Variants in XPO4 observed in about 807,000 individuals in gnomAD.
XPO4 encodes exportin-4.
A neutral mutation model predicts 143.0 loss-of-function variants in XPO4; 39 were observed. That is an observed-to-expected ratio of 0.27 (90% CI 0.21 to 0.36). The LOEUF (loss-of-function observed/expected upper bound fraction) is 0.36, where lower values mean the gene tolerates loss of function less well. Ranked by LOEUF, XPO4 falls within the 10% of genes least tolerant of loss-of-function variation. The pLI is 1.00. For synonymous variants in XPO4, 439 were observed against 474.0 expected (o/e 0.93, Z 0.96); for missense variants, 907 against 1,348.0 (o/e 0.67, Z 5.12).
chr13:20,878,301 G>C (rs531114927), intron 1 of XPO4, among the ~76,000 whole-genome samples: 2 of 152,182 alleles, frequency 1.3e-5, no homozygotes, highest in African/African-American at 4.8e-5. Context: ...AACCAGCAAG[G>C]TATGCACAAG....
At chr13:20,895,458 C>A (rs1002213667) in intron 1 of XPO4, among the ~76,000 whole-genome samples, 1 of 151,816 alleles carries the variant, frequency 6.6e-6, no homozygotes, top group South Asian at 2.1e-4. Flanking sequence ...AAGGTGAAAC[C>A]CTGTCCCTAC....
intron 1 of XPO4, among the ~76,000 whole-genome samples, chr13:20,900,348 C>T (rs1318703207): frequency 2.0e-5 from 3 of 151,792 alleles, no homozygotes; most frequent in Non-Finnish European, 4.4e-5. Flanking sequence ...CGTGCCACTG[C>T]ACTCCAGCCT....
intron 6 of XPO4, among the ~76,000 whole-genome samples, chr13:20,837,167 T>A (rs1241768104): frequency 6.6e-6 from 1 of 152,210 alleles, no homozygotes; most frequent in African/African-American, 2.4e-5. Context: ...TTTGTGTGGA[T>A]GACTATTGAT....
At chr13:20,849,266 A>G (rs1316806794) in intron 4 of XPO4, 22 of 985,462 alleles carry the variant, frequency 2.2e-5, no homozygotes, top group Non-Finnish European at 2.7e-5. Context: ...AATGAGACTT[A>G]TGATAAGAGA....
intron 1 of XPO4, among the ~76,000 whole-genome samples, chr13:20,884,603 G>A (rs1312658284): frequency 1.3e-5 from 2 of 152,048 alleles, no homozygotes; most frequent in Non-Finnish European, 2.9e-5. Context: ...ATAGAGATGG[G>A]ATTTTTGCCA....
At chr13:20,902,103 TG>T (rs1426863820) in intron 1 of XPO4, 1 of 985,290 alleles carries the variant, frequency 1.0e-6, no homozygotes. Context: ...CCAATGACCT[TG>T]GTCTCAACGA....
intron 1 of XPO4, among the ~76,000 whole-genome samples, chr13:20,900,261 G>C (rs1287113148): frequency 6.6e-6 from 1 of 152,080 alleles, no homozygotes; most frequent in East Asian, 1.9e-4. Context: ...GTACATACCT[G>C]TAGTCCCAGC....
At chr13:20,828,275 C>T (rs912536856) in intron 6 of XPO4, among the ~76,000 whole-genome samples, 1 of 152,044 alleles carries the variant, frequency 6.6e-6, no homozygotes, top group Non-Finnish European at 1.5e-5. Context: ...GTGGTTATGC[C>T]CCTTCCATTG....
chr13:20,852,381 C>T (rs1416747475), intron 4 of XPO4: 1 of 985,294 alleles, frequency 1.0e-6, no homozygotes, highest in Non-Finnish European at 1.2e-6. Context: ...CAAACCTTTT[C>T]TCTGCTATTT....
At chr13:20,810,082 T>C in intron 9 of XPO4, 115 bp from the exon 10 acceptor site, 1 of 827,390 alleles carries the variant, frequency 1.2e-6, no homozygotes, top group Non-Finnish European at 1.7e-6. Context: ...AGCTTCCCAA[T>C]TATTGATAAG....
intron 6 of XPO4, among the ~76,000 whole-genome samples, chr13:20,836,519 C>T (rs2059918665): frequency 6.6e-6 from 1 of 152,148 alleles, no homozygotes; most frequent in African/African-American, 2.4e-5. Context: ...TCTTGGACCA[C>T]CTCTCCTATT....
chr13:20,896,734 CAGTT>C (rs1248470903), intron 1 of XPO4, among the ~76,000 whole-genome samples: 7 of 152,226 alleles, frequency 4.6e-5, no homozygotes, highest in East Asian at 3.8e-4. Context: ...ATTACTGTAT[CAGTT>C]AGACCCTCCA....
At chr13:20,823,252 C>T (rs545999181) in intron 7 of XPO4, among the ~76,000 whole-genome samples, 1 of 152,252 alleles carries the variant, frequency 6.6e-6, no homozygotes, top group Admixed American at 6.5e-5. Context: ...TAGTTTTAGG[C>T]TATATTCACT....
At chr13:20,827,230 T>C in intron 6 of XPO4, 51 bp from the exon 7 acceptor site, 13 of 1,314,552 alleles carry the variant, frequency 9.9e-6, no homozygotes, top group Non-Finnish European at 1.3e-5. Flanking sequence ...TTGTCTAAAG[T>C]ATAAGTATAT....
intron 4 of XPO4, chr13:20,851,162 GA>G: frequency 2.0e-6 from 2 of 985,382 alleles, no homozygotes; most frequent in Non-Finnish European, 2.4e-6. Flanking sequence ...AGTCCAAGAA[GA>G]AGAGAGGATG....
chr13:20,879,496 T>C (rs1001937704), intron 1 of XPO4, among the ~76,000 whole-genome samples: 1 of 152,216 alleles, frequency 6.6e-6, no homozygotes, highest in African/African-American at 2.4e-5. Context: ...TAGTCCTGTG[T>C]TGTCTATGTA....
At chr13:20,860,018 C>G (rs965975304) in intron 3 of XPO4, 3 of 173,140 alleles carry the variant, frequency 1.7e-5, no homozygotes, top group Admixed American at 6.5e-5. Flanking sequence ...AGCTCCCCTG[C>G]TGGCCCTGAC....
At position 20,862,829 on chromosome 13, in the gene XPO4, G is replaced by C. The variant is rs2060214329; in HGVS notation, c.205C>G (p.Gln69Glu). 1 of 1,614,102 alleles carries C rather than the reference G, an allele frequency of 6.2e-7. No individual in the cohort carries two copies. The highest frequency in any genetic ancestry group is 1.3e-5 in the African/African-American group (1 of 75,030). ...GCTTCCATTATGGCTGTGGCAGCTT[G>C]AAAGAGGACATAGTCCACTTTACTA... is the stretch of plus-strand genomic sequence containing the variant. ...ETSKVDYVLFQAATAIMEAVV... is the reference protein window; with the variant it reads ...ETSKVDYVLFEAATAIMEAVV... Residue 69 changes from glutamine (Q) to glutamate (E), a missense_variant, in exon 3 of 23, where the codon CAA becomes GAA. By Grantham distance (29) the Gln-to-Glu change is conservative. Coordinates refer to ENST00000255305, the MANE Select transcript of XPO4 (RefSeq NM_022459.5).
At chr13:20,848,900 T>G in intron 4 of XPO4, 4 of 985,408 alleles carry the variant, frequency 4.1e-6, no homozygotes, top group Non-Finnish European at 4.8e-6. Flanking sequence ...CTTCTTTCAT[T>G]GAAGTACTGA....
Sources: allele counts gnomAD v4.1 joint callset (sites outside exome capture counted in the v4.1 genomes callset), GRCh38; gene constraint gnomAD v4.1.1; transcripts MANE v1.5; gene names NCBI Gene and HGNC (gene_info 2026-07-23, HGNC 2026-07-21).